LRP1B: variants seen among roughly 807,000 people sequenced by gnomAD.
The protein encoded by LRP1B is LDL receptor related protein 1B.
LRP1B carries 217 observed loss-of-function variants against 556.6 expected under a neutral mutation model. The ratio of observed to expected loss-of-function variants is 0.39; its 90% CI spans 0.35 to 0.44. The LOEUF is 0.44. Among genes scored for constraint, LRP1B ranks in the 20% least tolerant of loss-of-function variants. LRP1B has a pLI of 1.00. For synonymous variants in LRP1B, 2,047 were observed against 1,865.8 expected (o/e 1.10, Z -2.50); for missense variants, 5,053 against 5,620.8 (o/e 0.90, Z 3.23).
chr2:141,817,831 C>T (rs183599685), intron 1 of LRP1B, among the ~76,000 whole-genome samples: 1 of 151,926 alleles, frequency 6.6e-6, no homozygotes, highest in East Asian at 1.9e-4. Context: ...TAAAAGGACA[C>T]TATAGAAAAA....
intron 2 of LRP1B, among the ~76,000 whole-genome samples, chr2:141,552,745 T>C (rs1685800018): frequency 6.6e-6 from 1 of 151,880 alleles, no homozygotes; most frequent in African/African-American, 2.4e-5. Flanking sequence ...ATGAAGAAAA[T>C]GTGGTCTAGG....
intron 43 of LRP1B, among the ~76,000 whole-genome samples, chr2:140,548,361 A>G (rs561961832): frequency 2.6e-4 from 39 of 152,298 alleles, no homozygotes; most frequent in African/African-American, 7.7e-4. Flanking sequence ...TCTTCTTTAC[A>G]TGTATGAGAA....
chr2:141,791,398 G>A (rs1695605880), intron 2 of LRP1B, among the ~76,000 whole-genome samples: 1 of 151,854 alleles, frequency 6.6e-6, no homozygotes, highest in East Asian at 1.9e-4. Flanking sequence ...CACAACCTGG[G>A]AATGTATTTC....
chr2:141,022,290 AT>A (rs147577398), intron 11 of LRP1B, among the ~76,000 whole-genome samples: 43 of 150,680 alleles, frequency 2.9e-4, no homozygotes, highest in African/African-American at 9.5e-4. Flanking sequence ...TTGTGCTTTG[AT>A]TTTTTTTTCT....
chr2:141,339,646 C>T (rs1277732200), intron 3 of LRP1B, among the ~76,000 whole-genome samples: 1 of 152,156 alleles, frequency 6.6e-6, no homozygotes, highest in Non-Finnish European at 1.5e-5. Context: ...ATTCTCTAAC[C>T]ACTGGCGAAA....
At chr2:140,687,575 A>T (rs990443750) in intron 41 of LRP1B, among the ~76,000 whole-genome samples, 6 of 149,626 alleles carry the variant, frequency 4.0e-5, no homozygotes, top group Non-Finnish European at 8.9e-5. Flanking sequence ...TATCCACATG[A>T]TTTTTTTTTT....
chr2:141,322,026 T>C lies in LRP1B; in HGVS notation c.344-67385A>G, dbSNP rs180817240. Among the ~76,000 whole-genome samples, 150 of 152,204 alleles carry C rather than the reference T, an allele frequency of 9.9e-4. 2 individuals carry two copies. Among genetic ancestry groups the C allele is most frequent in the South Asian group, 9.7e-3 (47 of 4,828 alleles). ...CATTTTATGAACTCACAGGAGGCAA[T>C]GGCCCCTTCTTCAGTGATCCCCTTG... On this transcript the variant is annotated intron_variant, in intron 3 of 90. Transcript: ENST00000389484.
At chr2:142,126,546 A>G (rs1044229461) in intron 1 of LRP1B, among the ~76,000 whole-genome samples, 1 of 151,866 alleles carries the variant, frequency 6.6e-6, no homozygotes, top group Non-Finnish European at 1.5e-5. Flanking sequence ...AACTTTTAGG[A>G]TTAATTCTAC....
intron 79 of LRP1B, among the ~76,000 whole-genome samples, chr2:140,328,477 A>AAAAG (rs1491360073): frequency 1.8e-4 from 12 of 67,766 alleles, no homozygotes; most frequent in Admixed American, 1.0e-3. Context: ...AAAATGAAAG[A>AAAAG]AAAAAAAAAA....
At chr2:140,728,414 A>G (rs969426656) in intron 35 of LRP1B, among the ~76,000 whole-genome samples, 2 of 152,106 alleles carry the variant, frequency 1.3e-5, no homozygotes, top group African/African-American at 4.8e-5. Context: ...CTCCAAGGAG[A>G]AATTTTTTTA....
intron 7 of LRP1B, among the ~76,000 whole-genome samples, chr2:141,154,281 T>A (rs1039143822): frequency 6.6e-6 from 1 of 151,902 alleles, no homozygotes; most frequent in African/African-American, 2.4e-5. Context: ...CCAGAAATCA[T>A]CTTTTGAAAT....
intron 7 of LRP1B, among the ~76,000 whole-genome samples, chr2:141,076,674 A>G (rs778775471): frequency 9.9e-5 from 15 of 152,184 alleles, no homozygotes; most frequent in Non-Finnish European, 7.3e-5. Flanking sequence ...AAAATATTAG[A>G]AACATTTTTT....
At chr2:141,330,375 G>A (rs1406132587) in intron 3 of LRP1B, among the ~76,000 whole-genome samples, 1 of 152,070 alleles carries the variant, frequency 6.6e-6, no homozygotes, top group Admixed American at 6.6e-5. Flanking sequence ...ACCAGAATGA[G>A]GTCATCATAG....
chr2:140,902,373 C>T (rs1283363217), intron 23 of LRP1B, among the ~76,000 whole-genome samples: 2 of 152,002 alleles, frequency 1.3e-5, no homozygotes, highest in Non-Finnish European at 2.9e-5. Flanking sequence ...AACTGAAGCT[C>T]CACAGTGTTA....
chr2:141,898,078 T>A (rs1309201561), intron 1 of LRP1B, among the ~76,000 whole-genome samples: 1 of 152,124 alleles, frequency 6.6e-6, no homozygotes, highest in Non-Finnish European at 1.5e-5. Flanking sequence ...GGGGTTAAGT[T>A]TTAGCCTGAT....
At chr2:142,033,811 T>C (rs758106681) in intron 1 of LRP1B, among the ~76,000 whole-genome samples, 12 of 151,558 alleles carry the variant, frequency 7.9e-5, no homozygotes, top group Non-Finnish European at 1.2e-4. Context: ...CCTTAGGACA[T>C]TGTGTTCTAT....
At chr2:141,694,317 G>A (rs1691654956) in intron 2 of LRP1B, among the ~76,000 whole-genome samples, 1 of 152,030 alleles carries the variant, frequency 6.6e-6, no homozygotes, top group Non-Finnish European at 1.5e-5. Flanking sequence ...GGGAGGGAGG[G>A]CACTGAGGAA....
chr2:141,294,645 T>G (rs561940459), intron 3 of LRP1B, among the ~76,000 whole-genome samples: 241 of 148,736 alleles, frequency 1.6e-3, no homozygotes, highest in African/African-American at 5.6e-3. Context: ...AAGGCTGAGG[T>G]GGGGGGATGG....
chr2:141,971,056 CA>C (rs1335634498), intron 1 of LRP1B, among the ~76,000 whole-genome samples: 2 of 151,428 alleles, frequency 1.3e-5, no homozygotes, highest in African/African-American at 4.8e-5. Context: ...CTAGGATTAG[CA>C]AGCCTTAGAG....
Sources: allele counts gnomAD v4.1 joint callset (sites outside exome capture counted in the v4.1 genomes callset), GRCh38; gene constraint gnomAD v4.1.1; transcripts MANE v1.5; gene names NCBI Gene and HGNC (gene_info 2026-07-23, HGNC 2026-07-21).